LCORL: variants seen among roughly 807,000 people sequenced by gnomAD.
LCORL encodes ligand-dependent nuclear receptor corepressor-like protein.
Under a neutral mutation model 141.8 loss-of-function variants are expected in LCORL, and 41 were observed. The ratio of observed to expected loss-of-function variants is 0.29; its 90% CI spans 0.23 to 0.38. The LOEUF is 0.38. Ranked by LOEUF, LCORL falls within the 10% of genes least tolerant of loss-of-function variation. LCORL has a pLI of 1.00. For missense variants in LCORL, 1,759 were observed against 2,035.0 expected (o/e 0.86, Z 2.61); for synonymous variants, 618 against 694.1 (o/e 0.89, Z 1.72).
intron 7 of LCORL, among the ~76,000 whole-genome samples, chr4:17,846,625 C>G (rs1252236212): frequency 6.6e-6 from 1 of 152,120 alleles, no homozygotes; most frequent in East Asian, 1.9e-4. Flanking sequence ...GGAAAGTTGG[C>G]TTATTTGGCT....
exon 7 of LCORL, chr4:17,876,822 G>A: frequency 8.1e-7 from 1 of 1,230,672 alleles, no homozygotes. Flanking sequence ...AGGGGAAGTT[G>A]TTTTAAAGCT....
At chr4:17,921,514 T>C (rs907984835) in intron 4 of LCORL, among the ~76,000 whole-genome samples, 4 of 152,226 alleles carry the variant, frequency 2.6e-5, no homozygotes, top group South Asian at 2.1e-4. Context: ...ATAGATGTTC[T>C]TGTTTTCAGG....
intron 5 of LCORL, among the ~76,000 whole-genome samples, chr4:17,894,495 A>G (rs1019707665): frequency 5.3e-5 from 8 of 152,226 alleles, no homozygotes; most frequent in Non-Finnish European, 1.2e-4. Flanking sequence ...ATTGATAACA[A>G]TAACAACGCT....
At chr4:17,951,004 T>C (rs555058773) in intron 4 of LCORL, among the ~76,000 whole-genome samples, 1 of 152,108 alleles carries the variant, frequency 6.6e-6, no homozygotes, top group African/African-American at 2.4e-5. Flanking sequence ...ATGGCTTCAG[T>C]TGATGGTTCA....
At chr4:17,975,588 G>GT (rs1553880480) in intron 1 of LCORL, among the ~76,000 whole-genome samples, 1 of 151,960 alleles carries the variant, frequency 6.6e-6, no homozygotes, top group Non-Finnish European at 1.5e-5. Context: ...TAGAGATGAG[G>GT]TTTCACCATG....
At chr4:17,903,158 C>A (rs983320142) in intron 5 of LCORL, among the ~76,000 whole-genome samples, 13 of 151,818 alleles carry the variant, frequency 8.6e-5, no homozygotes, top group African/African-American at 3.1e-4. Context: ...TAAATAAATC[C>A]AATATACTGT....
chr4:17,962,534 G>A (rs575984587), intron 3 of LCORL, among the ~76,000 whole-genome samples: 4 of 152,044 alleles, frequency 2.6e-5, no homozygotes, highest in Admixed American at 1.3e-4. Flanking sequence ...CATTTACACA[G>A]GAGATAATTA....
intron 4 of LCORL, among the ~76,000 whole-genome samples, chr4:17,941,689 T>C (rs1335510617): frequency 1.3e-5 from 2 of 152,176 alleles, no homozygotes; most frequent in African/African-American, 4.8e-5. Flanking sequence ...AGTATTGTAA[T>C]TGAAAAGGAA....
intron 1 of LCORL, among the ~76,000 whole-genome samples, chr4:17,998,981 AAAAAATATATATATATATATATACACAC>A (rs1263948177): frequency 1.0e-3 from 67 of 64,056 alleles, no homozygotes; most frequent in African/African-American, 3.4e-3. Flanking sequence ...AAAAAAAAAA[AAAAAATATATATATATATATATACACAC>A]ATATATATAT....
rs76393859 is a variant in LCORL, at chr4:17,999,005, C to T, written c.154+22593G>A. Among the ~76,000 whole-genome samples the T allele has an allele frequency of 2.7e-3, 116 of 42,598 alleles. 1 individual carries two copies. The highest frequency in any genetic ancestry group is 5.3e-3 in the African/African-American group (80 of 14,970). 27.9% of individuals were successfully genotyped at this position (42,598 alleles called of 152,430 possible). On this transcript the variant is annotated intron_variant, in intron 1 of 7. Coordinates refer to ENST00000635767, the Ensembl canonical transcript of LCORL. The stretch of plus-strand genomic sequence containing the variant: ...AAAAAAATATATATATATATATATA[C>T]ACACATATATATATATATATATATA...
At chr4:17,947,018 CAA>C (rs1215892930) in intron 4 of LCORL, among the ~76,000 whole-genome samples, 1 of 151,948 alleles carries the variant, frequency 6.6e-6, no homozygotes, top group Non-Finnish European at 1.5e-5. Context: ...GGTATTCACC[CAA>C]AAGATTTGAA....
At chr4:17,865,674 T>C (rs930844852) in intron 7 of LCORL, among the ~76,000 whole-genome samples, 68 of 152,244 alleles carry the variant, frequency 4.5e-4, no homozygotes, top group African/African-American at 1.6e-3. Flanking sequence ...TCTACCACTA[T>C]AACACTTACA....
At chr4:17,996,373 A>C (rs368086028) in intron 1 of LCORL, among the ~76,000 whole-genome samples, 4 of 152,242 alleles carry the variant, frequency 2.6e-5, no homozygotes, top group African/African-American at 9.6e-5. Flanking sequence ...AAGAAGAAAC[A>C]ATTTAAATAG....
At chr4:17,860,396 GA>G (rs1396131481) in intron 7 of LCORL, among the ~76,000 whole-genome samples, 1 of 152,128 alleles carries the variant, frequency 6.6e-6, no homozygotes. Context: ...GCTTGTGCTG[GA>G]AAACTTCCCC....
intron 1 of LCORL, 43 bp from the exon 2 acceptor site, chr4:17,972,928 G>A (rs761486103): frequency 5.5e-6 from 5 of 911,742 alleles, no homozygotes; most frequent in Non-Finnish European, 7.8e-6. Flanking sequence ...TACTAGAAAA[G>A]TTACATTTTA....
At chr4:17,949,978 C>T (rs886233407) in intron 4 of LCORL, among the ~76,000 whole-genome samples, 7 of 152,230 alleles carry the variant, frequency 4.6e-5, no homozygotes, top group African/African-American at 1.7e-4. Flanking sequence ...ATTTTCAATC[C>T]TGATGAACTA....
At position 17,857,902 on chromosome 4, in the gene LCORL, C is replaced by T. The variant is rs949051858; in HGVS notation, c.5603-12001G>A. The stretch of plus-strand genomic sequence containing the variant: ...AGTGTCCCAGAACAGAGCCCAAGAA[C>T]ATTTAACATTGCAAAAATCCCAGCT... On this transcript the variant is annotated intron_variant, in intron 7 of 7. Coordinates refer to ENST00000635767, the Ensembl canonical transcript of LCORL. Among the ~76,000 whole-genome samples, 6 of 152,154 alleles carry T rather than the reference C, an allele frequency of 3.9e-5. No individual in the cohort carries two copies. In the South Asian group the frequency reaches 8.3e-4, roughly 21 times the overall value.
At chr4:17,843,383 T>TAA in exon 8 of LCORL, 1 of 1,611,940 alleles carries the variant, frequency 6.2e-7, no homozygotes, top group African/African-American at 1.3e-5. Flanking sequence ...TAGAAAAAAG[T>TAA]AAACTTAACC....
intron 4 of LCORL, among the ~76,000 whole-genome samples, chr4:17,938,392 T>C (rs1737234906): frequency 6.6e-6 from 1 of 151,488 alleles, no homozygotes; most frequent in Admixed American, 6.6e-5. Flanking sequence ...TGTGTAGTTT[T>C]ACTTCATTTT....
Sources: gnomAD v4.1 joint callset for allele counts (sites outside exome capture counted in the v4.1 genomes callset) on GRCh38, gnomAD v4.1.1 for gene constraint, MANE v1.5 for transcripts, NCBI Gene and HGNC (gene_info 2026-07-23, HGNC 2026-07-21) for gene names.